Variants in FCRL3 observed in about 807,000 individuals in gnomAD.
FCRL3 encodes the protein Fc receptor-like protein 3.
A neutral mutation model predicts 75.0 loss-of-function variants in FCRL3; 89 were observed. That is an observed-to-expected ratio of 1.19 (90% CI 1.00 to 1.42). FCRL3 has a LOEUF of 1.42. Among genes scored for constraint, FCRL3 ranks in the 40% most tolerant of loss-of-function variants. The pLI, the probability that FCRL3 is intolerant of heterozygous loss-of-function variation, is 0.00. For synonymous variants in FCRL3, 376 were observed against 348.5 expected, an observed-to-expected ratio of 1.08 and a Z score of -0.88; for missense variants, 946 against 880.0, an observed-to-expected ratio of 1.07 and a Z score of -0.95.
intron 10 of FCRL3, among the ~76,000 whole-genome samples, chr1:157,683,593 C>G (rs987293957): frequency 1.3e-5 from 2 of 152,142 alleles, no homozygotes; most frequent in African/African-American, 4.8e-5. Context: ...AAAGTGGAGA[C>G]AAGGAGACTG....
chr1:157,683,925 G>A (rs142171733), intron 10 of FCRL3, among the ~76,000 whole-genome samples: 36 of 152,102 alleles, frequency 2.4e-4, no homozygotes, highest in African/African-American at 5.8e-4. Context: ...ATATTGTTTC[G>A]TAATTATTTA....
In FCRL3 at chr1:157,697,755, A is replaced by G. The variant is rs376166070; in HGVS notation, c.463T>C (p.Ser155Pro). 6.2e-7 allele frequency: 1 copy of G among 1,613,958 alleles called. No individual in the cohort carries two copies. The highest frequency in any genetic ancestry group is 8.5e-7 in the Non-Finnish European group (1 of 1,179,992). ...NLEKITVNSV[S>P]RDNSKYHCTA... ...CAATGATATTTGCTATTATCCCTGG[A>G]GACTGAATTCACTGTGATCTTCTCT... Residue 155 changes from serine (S) to proline (P), a missense_variant, in exon 5 of 15, where the codon TCC becomes CCC. By Grantham distance (74) the Ser-to-Pro change is moderately conservative (BLOSUM62 -1). Coordinates refer to ENST00000368184, the MANE Select transcript of FCRL3 (RefSeq NM_052939.4).
chr1:157,698,687 A>C lies in FCRL3; in HGVS notation c.53-58T>G. 5 of 1,584,454 alleles carry C rather than the reference A, an allele frequency of 3.2e-6. No individual in the cohort carries two copies. The East Asian group carries it at 1.1e-4, about 36-fold the overall frequency. On this transcript the variant is annotated intron_variant, in intron 3 of 14. Transcript: ENST00000368184. ...AAGGTCAATGGGAGGTGGGCACAGCACATGGGGAGCCCAACCTACAGTCAG... is the reference window on the plus strand; with the variant it reads ...AAGGTCAATGGGAGGTGGGCACAGCCCATGGGGAGCCCAACCTACAGTCAG...
At chr1:157,684,927 G>C (rs1219165221) in intron 10 of FCRL3, among the ~76,000 whole-genome samples, 1 of 152,132 alleles carries the variant, frequency 6.6e-6, no homozygotes, top group Non-Finnish European at 1.5e-5. Flanking sequence ...ATGGTGAGAA[G>C]GGAGACTTTG....
intron 2 of FCRL3, 99 bp from the exon 3 acceptor site, chr1:157,699,811 C>T: frequency 7.4e-7 from 1 of 1,355,846 alleles, no homozygotes; most frequent in Non-Finnish European, 1.0e-6. Context: ...CATTTCTTTG[C>T]TCCCTTTTTA....
At position 157,697,287 on chromosome 1, in the gene FCRL3, G is replaced by A; in HGVS notation, c.697C>T (p.Gln233Ter). 1 of 1,612,682 alleles carries A rather than the reference G, an allele frequency of 6.2e-7. No individual in the cohort carries two copies. The highest frequency in any genetic ancestry group is 8.5e-7 in the Non-Finnish European group (1 of 1,179,164). Residue 233 changes from glutamine (Q) to a stop codon, truncating the protein, a stop_gained, in exon 6 of 15, where the codon CAG becomes TAG. Coordinates refer to ENST00000368184, the MANE Select transcript of FCRL3 (RefSeq NM_052939.4). LOFTEE classifies it high-confidence loss of function. ...QLQFSLFRDS[Q>*]TLGLGWSRSP... ...CTGCTCCAGCCCAATCCGAGGGTCT[G>A]GCTATCTCTGAAGAGGGAGAATTGC...
chr1:157,686,264 A>T lies in FCRL3; in HGVS notation c.1811-3020T>A, dbSNP rs201694858. Among the ~76,000 whole-genome samples, 7 of 25,184 alleles carry T rather than the reference A, an allele frequency of 2.8e-4. No individual in the cohort carries two copies. In the African/African-American group the frequency reaches 6.1e-3, roughly 22 times the overall value. 16.5% of individuals were successfully genotyped at this position (25,184 alleles called of 152,430 possible). A position where few individuals can be genotyped will look rare whatever the true frequency, so the allele number is the denominator to read the frequency against. ...AGGTGAAAGATCTCTGCGAGAAATT[A>T]AAAAAAAAAATGCTGAAATAAAGAC... On this transcript the variant is annotated intron_variant, in intron 10 of 14. Coordinates refer to ENST00000368184, the MANE Select transcript of FCRL3 (RefSeq NM_052939.4).
chr1:157,695,608 C>G lies in FCRL3; in HGVS notation c.1133-1G>C. On this transcript the variant is annotated splice_acceptor_variant, in intron 7 of 14. Transcript: ENST00000368184. LOFTEE classifies it high-confidence loss of function. ...GTGAGGACAGGGTGAGATACCGGAACTGAAGGAGACAAAAGGGCTGTCAGA... is the reference window on the plus strand; with the variant it reads ...GTGAGGACAGGGTGAGATACCGGAAGTGAAGGAGACAAAAGGGCTGTCAGA... 6.3e-7 allele frequency: 1 copy of G among 1,595,546 alleles called. No individual in the cohort carries two copies. The highest frequency in any genetic ancestry group is 1.1e-5 in the South Asian group (1 of 88,840).
At chr1:157,694,026 A>G (rs1054942409) in intron 8 of FCRL3, among the ~76,000 whole-genome samples, 5 of 152,198 alleles carry the variant, frequency 3.3e-5, no homozygotes, top group Non-Finnish European at 7.3e-5. Context: ...CTAGGATTAC[A>G]GGCATGAGCC....
rs753254111 is a variant in FCRL3, at chr1:157,695,338, T to C, written c.1402A>G (p.Arg468Gly). Reference sequence around the variant, plus strand: ...GGTATATCTTGCTTACCTGTGACCCTGAGACTCACTCCATGACTGTGCTGG... The same window carrying C: ...GGTATATCTTGCTTACCTGTGACCCCGAGACTCACTCCATGACTGTGCTGG... ...GAQHSHGVSL[R>G]VTVPVSRPVL... The change falls in exon 8 of 15, where the codon AGG (arginine) becomes GGG (glycine). Residue 468 changes from arginine (R) to glycine (G), a missense_variant. Coordinates refer to ENST00000368184, the MANE Select transcript of FCRL3 (RefSeq NM_052939.4). 8 of 1,613,096 alleles carry C rather than the reference T, an allele frequency of 5.0e-6. No homozygotes were observed. In the East Asian group the frequency reaches 1.6e-4, roughly 31 times the overall value.
chr1:157,690,999 CTATGTATGTATGTATG>C (rs57070872), intron 8 of FCRL3, among the ~76,000 whole-genome samples: 2 of 149,000 alleles, frequency 1.3e-5, no homozygotes, highest in East Asian at 3.9e-4. Context: ...TGACATCTGT[CTATGTATGTATGTATG>C]TATGTATGTA....
Position 157,697,137 on chromosome 1 carries a change from C to T in FCRL3, c.844+3G>A, listed in dbSNP as rs1230063814. ...CTGGAAGAGCAGCCCCTTAGACACT[C>T]ACTCTGTACACGTATCTGAGATCTC... On this transcript the variant is annotated splice_donor_region_variant and intron_variant, in intron 6 of 14. Coordinates refer to ENST00000368184, the MANE Select transcript of FCRL3 (RefSeq NM_052939.4). The T allele has an allele frequency of 1.4e-6, 2 of 1,458,000 alleles. No individual in the cohort carries two copies. Among genetic ancestry groups the T allele is most frequent in the Non-Finnish European group, 1.8e-6 (2 of 1,101,228 alleles). 90.3% of individuals were successfully genotyped at this position (1,458,000 alleles called of 1,614,324 possible).
intron 11 of FCRL3, among the ~76,000 whole-genome samples, chr1:157,681,741 C>A (rs1488225415): frequency 1.3e-5 from 2 of 152,032 alleles, no homozygotes; most frequent in Non-Finnish European, 2.9e-5. Flanking sequence ...GATTTATAAT[C>A]CTTTGGGTAT....
chr1:157,677,739 A>G lies in FCRL3; in HGVS notation c.*971T>C. 1.8e-6 allele frequency: 1 copy of G among 558,730 alleles called. No individual in the cohort carries two copies. Among genetic ancestry groups the G allele is most frequent in the Non-Finnish European group, 2.3e-6 (1 of 440,498 alleles). 34.6% of individuals were successfully genotyped at this position (558,730 alleles called of 1,614,324 possible). On this transcript the variant is annotated 3_prime_UTR_variant, in exon 15 of 15. Coordinates refer to ENST00000368184, the MANE Select transcript of FCRL3 (RefSeq NM_052939.4). Reference sequence around the variant, plus strand: ...TGAAGAGAAAGTACTAAAAAAAATTATCTACAACAATATGGTCTTTAACTT... The same window carrying G: ...TGAAGAGAAAGTACTAAAAAAAATTGTCTACAACAATATGGTCTTTAACTT...
intron 2 of FCRL3, among the ~76,000 whole-genome samples, chr1:157,700,011 G>A (rs532069051): frequency 3.9e-5 from 6 of 152,232 alleles, no homozygotes; most frequent in African/African-American, 9.6e-5. Flanking sequence ...TCCTCCTTTC[G>A]TTCCTTGGGC....
intron 2 of FCRL3, 22 bp from the exon 3 acceptor site, chr1:157,699,734 C>T (rs1311754265): frequency 3.1e-6 from 5 of 1,612,506 alleles, no homozygotes; most frequent in Non-Finnish European, 4.2e-6. Context: ...CAGAAAATGA[C>T]AATCAGACAC....
intron 10 of FCRL3, among the ~76,000 whole-genome samples, chr1:157,687,446 C>T (rs1402368846): frequency 8.9e-6 from 1 of 112,150 alleles, no homozygotes; most frequent in Non-Finnish European, 1.9e-5. Flanking sequence ...TATACGCTCA[C>T]AAAAAAATAA....
intron 10 of FCRL3, among the ~76,000 whole-genome samples, chr1:157,684,684 T>C (rs540469107): frequency 6.6e-6 from 1 of 152,340 alleles, no homozygotes; most frequent in African/African-American, 2.4e-5. Flanking sequence ...AGGTAGATAC[T>C]GTTATTATTA....
chr1:157,698,078 T>C (rs1656072650), intron 4 of FCRL3, 159 bp from the exon 5 acceptor site: 7 of 840,122 alleles, frequency 8.3e-6, no homozygotes, highest in South Asian at 1.8e-5. Context: ...TTCCTTGCCC[T>C]ACAAGGGTGA....
Sources: allele counts gnomAD v4.1 joint callset (sites outside exome capture counted in the v4.1 genomes callset), GRCh38; gene constraint gnomAD v4.1.1; transcripts MANE v1.5; gene names NCBI Gene and HGNC (gene_info 2026-07-23, HGNC 2026-07-21).